PCDH11X: variants seen among roughly 807,000 people sequenced by gnomAD.
The protein encoded by PCDH11X is protocadherin 11 X-linked.
Under a neutral mutation model 53.3 loss-of-function variants are expected in PCDH11X, and 18 were observed. The ratio of observed to expected loss-of-function variants is 0.34; its 90% CI spans 0.23 to 0.50. The LOEUF is 0.50. PCDH11X is among the 20% of genes least tolerant of loss of function. The pLI is 0.98. For missense variants in PCDH11X, 570 were observed against 1,032.4 expected (o/e 0.55, Z 6.14); for synonymous variants, 279 against 393.3 (o/e 0.71, Z 3.44).
At chrX:92,467,407 C>G (rs1179506322) in intron 9 of PCDH11X, among the ~76,000 whole-genome samples, 4 of 110,758 alleles carry the variant, frequency 3.6e-5, no homozygotes, top group African/African-American at 1.3e-4. Flanking sequence ...AAATGTTTAT[C>G]TTTAAGCTTT....
chrX:91,878,510 G>A lies in PCDH11X; in HGVS notation c.2270G>A (p.Gly757Glu). Residue 757 changes from glycine to glutamate, a missense_variant, in exon 6 of 11, where the codon GGA (glycine) becomes GAA (glutamate). This residue lies in a region of PCDH11X where 226 missense variants were observed against 457.5 expected (regional missense o/e 0.49). Transcript: ENST00000682573. ...GTGTTGGTCAAAGCTAATGACTTAGGACAGCCTGATTCTCTCTTCAGTGTT... is the reference window on the plus strand; with the variant it reads ...GTGTTGGTCAAAGCTAATGACTTAGAACAGCCTGATTCTCTCTTCAGTGTT... ...HRVLVKANDLGQPDSLFSVVI... is the reference protein window; with the variant it reads ...HRVLVKANDLEQPDSLFSVVI... The A allele has an allele frequency of 8.3e-7, 1 of 1,210,715 alleles. No individual in the cohort carries two copies. The highest frequency in any genetic ancestry group is 1.1e-6 in the Non-Finnish European group (1 of 895,249).
At chrX:92,011,421 G>T (rs1019278623) in intron 6 of PCDH11X, among the ~76,000 whole-genome samples, 1 of 112,001 alleles carries the variant, frequency 8.9e-6, no homozygotes, top group African/African-American at 3.2e-5. Flanking sequence ...ATTCCAAAAA[G>T]TCACTATTTT....
chrX:92,422,802 C>T (rs1195429479), intron 9 of PCDH11X, among the ~76,000 whole-genome samples: 3 of 110,715 alleles, frequency 2.7e-5, no homozygotes, highest in African/African-American at 9.8e-5. Context: ...CTTTTCACCA[C>T]ATCCACGCCA....
chrX:92,539,671 G>A lies in PCDH11X; in HGVS notation c.3367+71349G>A, dbSNP rs1407969841. Among the ~76,000 whole-genome samples the A allele has an allele frequency of 4.5e-5, 5 of 111,613 alleles. No individual in the cohort carries two copies. In the South Asian group the frequency reaches 1.5e-3, roughly 33 times the overall value. On this transcript the variant is annotated intron_variant, in intron 10 of 10. Coordinates refer to ENST00000682573, the MANE Select transcript of PCDH11X (RefSeq NM_032968.5). ...TGATTGCTTATGGACATTCATCAGTGTCTGGGCATTAAAGATATATATTTA... is the reference window on the plus strand; with the variant it reads ...TGATTGCTTATGGACATTCATCAGTATCTGGGCATTAAAGATATATATTTA...
rs372389421 is a variant in PCDH11X at position 92,274,294 on chromosome X, G to A, written c.3144+11151G>A. 8.1e-3 allele frequency among the ~76,000 whole-genome samples: 870 copies of A among 107,614 alleles called. 22 individuals are homozygous for A. Among genetic ancestry groups the A allele is most frequent in the African/African-American group, 0.029 (809 of 27,550 alleles). The allele number at this position is 107,614 out of a possible 115,157, so 93.4% of individuals were successfully genotyped here. A position where few individuals can be genotyped will look rare whatever the true frequency, so the allele number is the denominator to read the frequency against. ...TGCGTTTTTAAAAGACCTTTAGTCC[G>A]TTCTACTTTTCTTGTAGACGGAGGA... is the stretch of plus-strand genomic sequence containing the variant. On this transcript the variant is annotated intron_variant, in intron 8 of 10. Coordinates refer to ENST00000682573, the MANE Select transcript of PCDH11X (RefSeq NM_032968.5).
At chrX:91,939,557 C>A (rs1181123430) in intron 6 of PCDH11X, among the ~76,000 whole-genome samples, 2 of 108,712 alleles carry the variant, frequency 1.8e-5, no homozygotes, top group Non-Finnish European at 3.8e-5. Flanking sequence ...TCATAATAAT[C>A]AAATTGCTCA....
At position 92,032,851 on chromosome X, in the gene PCDH11X, AT is replaced by A. The variant is rs755247253; in HGVS notation, c.3033+153593del. On this transcript the variant is annotated intron_variant, in intron 6 of 10. Coordinates refer to ENST00000682573, the MANE Select transcript of PCDH11X (RefSeq NM_032968.5). ...AAATCCCACTTGACCATGATAAATG[AT>A]TTTTTTTTTTTTTTGAGGCTAATGC... Among the ~76,000 whole-genome samples, 806 of 97,700 alleles carry A rather than the reference AT, an allele frequency of 8.2e-3. 5 individuals are homozygous for A. Among genetic ancestry groups the A allele is most frequent in the Middle Eastern group, 0.016 (3 of 188 alleles). The allele number at this position is 97,700 out of a possible 115,157, so 84.8% of individuals were successfully genotyped here.
At chrX:91,933,202 C>T (rs2061409127) in intron 6 of PCDH11X, among the ~76,000 whole-genome samples, 1 of 110,269 alleles carries the variant, frequency 9.1e-6, no homozygotes, top group Admixed American at 9.7e-5. Flanking sequence ...TTGCTACTTC[C>T]TAATGCCTCA....
chrX:92,304,685 GC>G (rs1427276534), intron 8 of PCDH11X, among the ~76,000 whole-genome samples: 2 of 111,510 alleles, frequency 1.8e-5, no homozygotes, highest in Non-Finnish European at 3.8e-5. Flanking sequence ...ATATTCCCTG[GC>G]TCAGAAAATA....
chrX:92,118,330 C>A (rs981554137), intron 6 of PCDH11X, among the ~76,000 whole-genome samples: 2 of 108,123 alleles, frequency 1.8e-5, no homozygotes, highest in Admixed American at 1.0e-4. Flanking sequence ...AAAGATGCAA[C>A]TAACATGTAA....
At chrX:92,605,452 G>C (rs1367859661) in intron 10 of PCDH11X, among the ~76,000 whole-genome samples, 3 of 111,007 alleles carry the variant, frequency 2.7e-5, no homozygotes, top group Non-Finnish European at 5.7e-5. Context: ...ACATTGTACT[G>C]GAGGTTTTAC....
intron 4 of PCDH11X, among the ~76,000 whole-genome samples, chrX:91,812,820 C>G (rs1439095684): frequency 3.6e-5 from 4 of 111,447 alleles, no homozygotes; most frequent in African/African-American, 1.3e-4. Context: ...CGCAGTTCTT[C>G]CCAAATTATT....
chrX:91,946,558 CATATATATATATATAT>C (rs766671132), intron 6 of PCDH11X, among the ~76,000 whole-genome samples: 328 of 31,628 alleles, frequency 0.01, 6 homozygotes, highest in African/African-American at 0.038. Context: ...CTGTTTCCCT[CATATATATATATATAT>C]ATATATATAT....
At chrX:92,334,011 A>G (rs1311665036) in intron 8 of PCDH11X, among the ~76,000 whole-genome samples, 2 of 111,243 alleles carry the variant, frequency 1.8e-5, no homozygotes, top group Admixed American at 9.6e-5. Flanking sequence ...TTTGAACTGT[A>G]TGGATCCAGT....
chrX:92,220,413 G>T (rs1173757866), intron 7 of PCDH11X, among the ~76,000 whole-genome samples: 5 of 100,306 alleles, frequency 5.0e-5, no homozygotes, highest in Non-Finnish European at 1.0e-4. Context: ...CTTCTCAAAA[G>T]AAGACATTTA....
intron 6 of PCDH11X, among the ~76,000 whole-genome samples, chrX:92,042,005 T>C (rs1174765252): frequency 8.9e-6 from 1 of 112,150 alleles, no homozygotes; most frequent in Non-Finnish European, 1.9e-5. Flanking sequence ...TTCATTTTGA[T>C]GTTATAGTGA....
At chrX:92,171,099 C>T (rs192761654) in intron 6 of PCDH11X, among the ~76,000 whole-genome samples, 82 of 104,268 alleles carry the variant, frequency 7.9e-4, no homozygotes, top group South Asian at 3.6e-3. Flanking sequence ...GCCGCTGTGT[C>T]GGCCTAAAAA....
intron 5 of PCDH11X, among the ~76,000 whole-genome samples, chrX:91,847,167 A>G (rs779257762): frequency 8.5e-5 from 9 of 106,002 alleles, no homozygotes; most frequent in Admixed American, 6.9e-4. Context: ...GTGTGTGTGT[A>G]TTATAGAGAC....
rs1049168916 is a variant in PCDH11X, at chrX:92,393,302, A to G, written c.3343+5369A>G. Among the ~76,000 whole-genome samples the G allele has an allele frequency of 2.7e-5, 3 of 111,016 alleles. No homozygotes were observed. The Admixed American group carries it at 2.9e-4, about 11-fold the overall frequency. On this transcript the variant is annotated intron_variant, in intron 9 of 10. Coordinates refer to ENST00000682573, the MANE Select transcript of PCDH11X (RefSeq NM_032968.5). ...TTCTTAAAACTGTGCTCAGTAGCCT[A>G]TATAATAGTGTCAGTCCATGGTAGA...
Sources: gnomAD v4.1 joint callset for allele counts (sites outside exome capture counted in the v4.1 genomes callset) on GRCh38, gnomAD v4.1.1 for gene constraint, gnomAD v4.1.1 regional missense constraint, MANE v1.5 for transcripts, NCBI Gene and HGNC (gene_info 2026-07-23, HGNC 2026-07-21) for gene names.